CYP19A1: variants seen among roughly 807,000 people sequenced by gnomAD.
The protein encoded by CYP19A1 is aromatase.
CYP19A1 carries 32 observed loss-of-function variants against 44.4 expected under a neutral mutation model. That is an observed-to-expected ratio of 0.72 (90% CI 0.54 to 0.97). CYP19A1 has a LOEUF of 0.97. CYP19A1 is among the 50% of genes least tolerant of loss of function. CYP19A1 has a pLI of 0.00. For synonymous variants in CYP19A1, 212 were observed against 215.6 expected (o/e 0.98, Z 0.14); for missense variants, 598 against 637.8 (o/e 0.94, Z 0.67).
chr15:51,313,705 G>A (rs2036362275), intron 1 of CYP19A1, among the ~76,000 whole-genome samples: 1 of 152,140 alleles, frequency 6.6e-6, no homozygotes, highest in Admixed American at 6.5e-5. Flanking sequence ...GCTGAGGCAG[G>A]AGAATCACTT....
intron 1 of CYP19A1, among the ~76,000 whole-genome samples, chr15:51,327,972 A>T (rs978385633): frequency 1.3e-5 from 2 of 152,232 alleles, no homozygotes; most frequent in Non-Finnish European, 1.5e-5. Context: ...GTATCTAAAA[A>T]ATCTTGTACA....
Position 51,236,981 on chromosome 15 carries a change from G to A in CYP19A1, c.174C>T (p.Pro58=), listed in dbSNP as rs2033436974. 5 of 1,613,992 alleles carry A rather than the reference G, an allele frequency of 3.1e-6. No individual in the cohort carries two copies. Among genetic ancestry groups the A allele is most frequent in the Non-Finnish European group, 4.2e-6 (5 of 1,180,024 alleles). Residue 58 remains proline (P), a synonymous_variant, in exon 3 of 10, where the codon CCC becomes CCT. Transcript: ENST00000396402. The part of the protein sequence containing the change: ...PGPGYCMGIG[P]LISHGRFLWM... ...ACAGGAATCTGCCGTGGGAGATGAGGGGTCCAATTCCCATGCAGTAGCCAG... is the reference window on the plus strand; with the variant it reads ...ACAGGAATCTGCCGTGGGAGATGAGAGGTCCAATTCCCATGCAGTAGCCAG...
intron 1 of CYP19A1, among the ~76,000 whole-genome samples, chr15:51,297,832 A>ACACACACC (rs1555397912): frequency 3.9e-4 from 56 of 144,786 alleles, no homozygotes; most frequent in African/African-American, 1.3e-3. Flanking sequence ...ACACACACAC[A>ACACACACC]CACACACACA....
chr15:51,261,472 A>T (rs1300484347), intron 1 of CYP19A1, among the ~76,000 whole-genome samples: 1 of 152,246 alleles, frequency 6.6e-6, no homozygotes, highest in Non-Finnish European at 1.5e-5. Flanking sequence ...AAAACTTCAT[A>T]AAAAAGCAAA....
intron 1 of CYP19A1, among the ~76,000 whole-genome samples, chr15:51,249,556 G>T (rs1028861774): frequency 6.6e-6 from 1 of 152,168 alleles, no homozygotes; most frequent in Non-Finnish European, 1.5e-5. Flanking sequence ...TAGGAAGCTT[G>T]TCTGAGCAGG....
intron 1 of CYP19A1, among the ~76,000 whole-genome samples, chr15:51,332,398 C>G (rs1277602183): frequency 6.6e-6 from 1 of 152,242 alleles, no homozygotes; most frequent in African/African-American, 2.4e-5. Context: ...CACTTCCCCT[C>G]TTTCTCCTTT....
chr15:51,210,810 A>G lies in CYP19A1; in HGVS notation c.1510T>C (p.Ter504GlnextTer31). The change falls in exon 10 of 10, where the codon TAG (stop) becomes CAG (glutamine). Residue 504 changes from the stop codon to glutamine (Q), a stop_lost. Coordinates refer to ENST00000396402, the MANE Select transcript of CYP19A1 (RefSeq NM_000103.4). Reference sequence around the variant, plus strand: ...GAGTGGGTACTGACCAGCCTTCTCTAGTGTTCCAGACACCTGTCTGAGTTT... The same window carrying G: ...GAGTGGGTACTGACCAGCCTTCTCTGGTGTTCCAGACACCTGTCTGAGTTT... ...PRNSDRCLEH[*>Q] 2 of 1,577,340 alleles carry G rather than the reference A, an allele frequency of 1.3e-6. No individual in the cohort carries two copies. The highest frequency in any genetic ancestry group is 1.7e-6 in the Non-Finnish European group (2 of 1,146,204).
intron 1 of CYP19A1, among the ~76,000 whole-genome samples, chr15:51,247,202 C>T (rs182651045): frequency 3.9e-5 from 6 of 152,218 alleles, no homozygotes; most frequent in Non-Finnish European, 2.9e-5. Context: ...AGATCATGAG[C>T]ATCTCTCCAG....
At chr15:51,300,382 A>G (rs768775166) in intron 1 of CYP19A1, among the ~76,000 whole-genome samples, 3 of 152,176 alleles carry the variant, frequency 2.0e-5, no homozygotes, top group Non-Finnish European at 4.4e-5. Context: ...CTTCTCAGTG[A>G]GGAATAAGAC....
intron 1 of CYP19A1, among the ~76,000 whole-genome samples, chr15:51,292,895 A>G (rs1197734548): frequency 6.6e-6 from 1 of 151,302 alleles, no homozygotes; most frequent in Non-Finnish European, 1.5e-5. Flanking sequence ...CCCAAACACC[A>G]GGTGCTCTGA....
At chr15:51,215,896 A>T in intron 6 of CYP19A1, 79 bp from the exon 7 acceptor site, 2 of 1,598,390 alleles carry the variant, frequency 1.3e-6, no homozygotes, top group South Asian at 2.2e-5. Context: ...CCATGTATTT[A>T]GGTAAAATGA....
chr15:51,226,090 G>A (rs1336481027), intron 4 of CYP19A1, among the ~76,000 whole-genome samples: 139 of 44,416 alleles, frequency 3.1e-3, no homozygotes, highest in Admixed American at 4.3e-3. Flanking sequence ...CTCTGTCTCA[G>A]AAAAAAAAAA....
Position 51,208,866 on chromosome 15 carries a change from T to G in CYP19A1, c.*1942A>C, listed in dbSNP as rs2030652332. 1 of 151,576 alleles carries G rather than the reference T, an allele frequency of 6.6e-6. No homozygotes were observed. The highest frequency in any genetic ancestry group is 1.5e-5 in the Non-Finnish European group (1 of 67,956). The allele number at this position is 151,576 out of a possible 1,614,324, so 9.4% of individuals were successfully genotyped here. A position where few individuals can be genotyped will look rare whatever the true frequency, so the allele number is the denominator to read the frequency against. On this transcript the variant is annotated 3_prime_UTR_variant, in exon 10 of 10. Transcript: ENST00000396402. Reference sequence around the variant, plus strand: ...GCATTTCACTTTGACTGTGTAGACATAGACATTGGCTTCATATATACAGAT... The same window carrying G: ...GCATTTCACTTTGACTGTGTAGACAGAGACATTGGCTTCATATATACAGAT...
intron 1 of CYP19A1, among the ~76,000 whole-genome samples, chr15:51,272,055 A>G (rs1445169218): frequency 6.6e-6 from 1 of 152,204 alleles, no homozygotes; most frequent in Admixed American, 6.5e-5. Context: ...TCCAAGAGAG[A>G]AACACCAGGC....
At chr15:51,328,117 C>T (rs2036640879) in intron 1 of CYP19A1, among the ~76,000 whole-genome samples, 1 of 152,144 alleles carries the variant, frequency 6.6e-6, no homozygotes, top group Non-Finnish European at 1.5e-5. Flanking sequence ...ATTACCATTG[C>T]CATTTGTAAC....
intron 1 of CYP19A1, among the ~76,000 whole-genome samples, chr15:51,245,568 A>G (rs1393987633): frequency 6.6e-6 from 1 of 152,222 alleles, no homozygotes. Flanking sequence ...ATAAACTACC[A>G]TCAGAGTGAA....
intron 1 of CYP19A1, chr15:51,337,966 G>C (rs2036804217): frequency 6.6e-6 from 1 of 152,348 alleles, no homozygotes; most frequent in African/African-American, 2.4e-5. Flanking sequence ...TCTTGCCCCA[G>C]AGCAATATCC....
intron 1 of CYP19A1, among the ~76,000 whole-genome samples, chr15:51,280,386 C>T (rs1053133722): frequency 6.6e-6 from 1 of 151,446 alleles, no homozygotes; most frequent in African/African-American, 2.4e-5. Flanking sequence ...GTGTGAGCCA[C>T]CACGCCCAGC....
chr15:51,221,045 G>T (rs1386782917), intron 5 of CYP19A1, among the ~76,000 whole-genome samples: 4 of 151,548 alleles, frequency 2.6e-5, no homozygotes, highest in African/African-American at 9.7e-5. Flanking sequence ...CACTACTAGG[G>T]TTACAAAATG....
Sources: gnomAD v4.1 joint callset for allele counts (sites outside exome capture counted in the v4.1 genomes callset) on GRCh38, gnomAD v4.1.1 for gene constraint, MANE v1.5 for transcripts, NCBI Gene and HGNC (gene_info 2026-07-23, HGNC 2026-07-21) for gene names.